The following ELP2 variants were observed in gnomAD, a reference collection of about 807,000 sequenced individuals.
ELP2 encodes elongator complex protein 2.
Under a neutral mutation model 119.2 loss-of-function variants are expected in ELP2, and 90 were observed. The ratio of observed to expected loss-of-function variants is 0.75; its 90% confidence interval spans 0.64 to 0.90. ELP2 has a LOEUF of 0.90. Among genes scored for constraint, ELP2 ranks in the 40% least tolerant of loss-of-function variants. ELP2 has a pLI of 0.00. For missense variants in ELP2, 921 were observed against 967.8 expected (o/e 0.95, Z 0.64); for synonymous variants, 339 against 331.0 (o/e 1.02, Z -0.26).
At position 36,144,614 on chromosome 18, in the gene ELP2, G is replaced by T. The variant is rs28688367; in HGVS notation, c.797-325G>T. Among the ~76,000 whole-genome samples the T allele has an allele frequency of 6.6e-3, 1,003 of 152,266 alleles. 14 individuals are homozygous for T. Among genetic ancestry groups the T allele is most frequent in the African/African-American group, 0.023 (965 of 41,540 alleles). On this transcript the variant is annotated intron_variant, in intron 8 of 21. Transcript: ENST00000358232. ...TATAATGAGTGAGGATAATAAAGAG[G>T]CTGGCATGACTGTTTTTCCTTCCTC...
At chr18:36,153,124 A>G (rs1051907969) in intron 11 of ELP2, among the ~76,000 whole-genome samples, 13 of 152,192 alleles carry the variant, frequency 8.5e-5, no homozygotes, top group African/African-American at 2.7e-4. Flanking sequence ...CATTTTAGCC[A>G]TTATAGATAA....
intron 11 of ELP2, 104 bp from the exon 12 acceptor site, chr18:36,154,746 C>T (rs1447232920): frequency 1.1e-5 from 14 of 1,300,700 alleles, no homozygotes; most frequent in Non-Finnish European, 1.4e-5. Context: ...TAGCTTTTCA[C>T]CTTGCCAGAG....
At chr18:36,155,136 C>T in intron 12 of ELP2, 137 bp downstream of exon 12, 1 of 713,302 alleles carries the variant, frequency 1.4e-6, no homozygotes, top group Non-Finnish European at 2.4e-6. Flanking sequence ...TCTCAGCCTC[C>T]CGAGTAGCTG....
At chr18:36,155,087 A>C in intron 12 of ELP2, 88 bp downstream of exon 12, 11 of 1,157,718 alleles carry the variant, frequency 9.5e-6, no homozygotes, top group Non-Finnish European at 1.3e-5. Flanking sequence ...ATCTCAGCTC[A>C]CTGCAGCCTC....
chr18:36,138,002 A>G (rs1443605086), intron 3 of ELP2: 2 of 406,508 alleles, frequency 4.9e-6, no homozygotes, highest in African/African-American at 2.0e-5. Context: ...CACTAATCCA[A>G]AAAGAGGAAC....
chr18:36,146,253 C>A lies in ELP2; in HGVS notation c.997C>A (p.Arg333=). 1 of 1,613,886 alleles carries A rather than the reference C, an allele frequency of 6.2e-7. No homozygotes were observed. Among genetic ancestry groups the A allele is most frequent in the Non-Finnish European group, 8.5e-7 (1 of 1,179,922 alleles). ...TTTTCTGTCTGTTATTGTACAGGTT[C>A]GAGTAGGTGAAGTAGGTGGGAATAC... ...EESGVWLEQV[R]VGEVGGNTLG... The change falls in exon 11 of 22, where the codon CGA becomes AGA. Residue 333 remains arginine (R), a synonymous_variant. Transcript: ENST00000358232.
chr18:36,156,320 A>T lies in ELP2; in HGVS notation c.1276-146A>T. The T allele has an allele frequency of 8.7e-6, 7 of 802,030 alleles. 1 individual carries two copies. The South Asian group carries it at 9.1e-5, about 10-fold the overall frequency. The allele number at this position is 802,030 out of a possible 1,614,324, so 49.7% of individuals were successfully genotyped here. A position where few individuals can be genotyped will look rare whatever the true frequency, so the allele number is the denominator to read the frequency against. On this transcript the variant is annotated intron_variant, in intron 12 of 21. Coordinates refer to ENST00000358232, the MANE Select transcript of ELP2 (RefSeq NM_018255.4). ...CTGTGGCTCTTGGTAATTTTTACCA[A>T]TACTGCCCAGTTGTGGTTTATTCAT...
chr18:36,153,255 A>G (rs982594605), intron 11 of ELP2, among the ~76,000 whole-genome samples: 1 of 152,170 alleles, frequency 6.6e-6, no homozygotes, highest in African/African-American at 2.4e-5. Flanking sequence ...TTCCACTGGT[A>G]ACTTTAACCT....
At chr18:36,138,658 A>T (rs1039925091) in intron 4 of ELP2, 137 bp from the exon 5 acceptor site, 10 of 894,902 alleles carry the variant, frequency 1.1e-5, no homozygotes, top group Non-Finnish European at 1.8e-5. Context: ...TTAACTTCAC[A>T]TGGTCAGTGG....
chr18:36,145,630 AAAAC>A (rs1277759241), intron 9 of ELP2, among the ~76,000 whole-genome samples: 7 of 152,218 alleles, frequency 4.6e-5, no homozygotes, highest in African/African-American at 1.7e-4. Context: ...TGTAATTTAA[AAAAC>A]AAAAAAAATT....
At chr18:36,155,075 C>G in intron 12 of ELP2, 76 bp downstream of exon 12, 2 of 1,282,326 alleles carry the variant, frequency 1.6e-6, no homozygotes, top group Non-Finnish European at 1.1e-6. Context: ...TGCAATGGCA[C>G]GATCTCAGCT....
intron 11 of ELP2, among the ~76,000 whole-genome samples, chr18:36,149,717 T>C (rs1156789688): frequency 6.6e-6 from 1 of 151,964 alleles, no homozygotes; most frequent in Non-Finnish European, 1.5e-5. Flanking sequence ...CCCTTCCCCA[T>C]ATCAACAAGA....
chr18:36,140,737 C>A (rs986409463), intron 5 of ELP2, among the ~76,000 whole-genome samples: 1 of 152,178 alleles, frequency 6.6e-6, no homozygotes, highest in Non-Finnish European at 1.5e-5. Flanking sequence ...ACCCTTAAAT[C>A]TGTGTGCATT....
chr18:36,156,678 A>T (rs781460060), intron 13 of ELP2, 24 bp downstream of exon 13: 21 of 1,601,454 alleles, frequency 1.3e-5, no homozygotes, highest in Non-Finnish European at 1.8e-5. Context: ...TAAATATTTT[A>T]CCTAAATCTA....
intron 9 of ELP2, 81 bp from the exon 10 acceptor site, chr18:36,145,867 A>T: frequency 8.8e-7 from 1 of 1,136,302 alleles, no homozygotes. Flanking sequence ...TGCAGTACCC[A>T]TGTTGTTTGT....
intron 19 of ELP2, among the ~76,000 whole-genome samples, chr18:36,169,520 G>T (rs549741762): frequency 1.3e-5 from 2 of 151,068 alleles, no homozygotes; most frequent in South Asian, 4.2e-4. Context: ...CCTAGCAGCT[G>T]GGATTACAGG....
At chr18:36,148,279 G>C (rs2090278209) in intron 11 of ELP2, among the ~76,000 whole-genome samples, 1 of 151,974 alleles carries the variant, frequency 6.6e-6, no homozygotes, top group Non-Finnish European at 1.5e-5. Context: ...ATTTTTAGTA[G>C]AGACGGGGCT....
Position 36,129,993 on chromosome 18 carries a change from A to C in ELP2, c.60A>C (p.Gly20=). The C allele has an allele frequency of 6.2e-7, 1 of 1,614,096 alleles. No homozygotes were observed. Among genetic ancestry groups the C allele is most frequent in the Non-Finnish European group, 8.5e-7 (1 of 1,179,998 alleles). Residue 20 remains glycine, a synonymous_variant, in exon 1 of 22, where the codon GGA becomes GGC. Coordinates refer to ENST00000358232, the MANE Select transcript of ELP2 (RefSeq NM_018255.4). ...HVFCCPNRVR[G]VLNWSSGPRG... is the part of the protein sequence containing the mutation. The stretch of plus-strand genomic sequence containing the variant: ...TTTGCTGCCCAAACCGGGTGCGGGG[A>C]GTCCTGAACTGGAGCTCTGGGCCCA...
chr18:36,168,169 A>T (rs1392717539), intron 19 of ELP2, among the ~76,000 whole-genome samples: 1 of 152,158 alleles, frequency 6.6e-6, no homozygotes, highest in Non-Finnish European at 1.5e-5. Flanking sequence ...CAGATCACTG[A>T]AGTGGAGTGC....
Sources: allele counts gnomAD v4.1 joint callset (sites outside exome capture counted in the v4.1 genomes callset), GRCh38; gene constraint gnomAD v4.1.1; transcripts MANE v1.5; gene names NCBI Gene and HGNC (gene_info 2026-07-23, HGNC 2026-07-21).